Variants in MTA3 observed in about 807,000 individuals in gnomAD.
MTA3 encodes metastasis associated 1 family member 3.
MTA3 carries 34 observed loss-of-function variants against 83.5 expected under a neutral mutation model. The observed-to-expected ratio is 0.41, with a 90% CI of 0.31 to 0.54. The LOEUF (loss-of-function observed/expected upper bound fraction) is 0.54. Among genes scored for constraint, MTA3 ranks in the 20% least tolerant of loss-of-function variants. The pLI, the probability that MTA3 is intolerant of heterozygous loss-of-function variation, is 0.33. For missense variants in MTA3, 761 were observed against 726.4 expected (o/e 1.05, Z -0.55); for synonymous variants, 303 against 252.7 (o/e 1.20, Z -1.89).
upstream of MTA3, among the ~76,000 whole-genome samples, chr2:42,566,816 T>C (rs1372903530): frequency 3.9e-5 from 6 of 152,228 alleles, no homozygotes; most frequent in Non-Finnish European, 8.8e-5. Flanking sequence ...TTATGGTTTC[T>C]AGGTGGCTTT....
chr2:42,615,234 C>T (rs1025766864), intron 4 of MTA3, among the ~76,000 whole-genome samples: 2 of 149,566 alleles, frequency 1.3e-5, no homozygotes, highest in African/African-American at 4.9e-5. Context: ...TTATAAGGTT[C>T]TTGAAGATCT....
chr2:42,549,369 A>G (rs1676974714), intron 2 of MTA3, among the ~76,000 whole-genome samples: 1 of 121,628 alleles, frequency 8.2e-6, no homozygotes, highest in Non-Finnish European at 1.6e-5. Context: ...ATACGTATAT[A>G]CGTATATAAA....
At chr2:42,733,382 G>A (rs1026302028) in intron 16 of MTA3, among the ~76,000 whole-genome samples, 6 of 152,124 alleles carry the variant, frequency 3.9e-5, no homozygotes, top group Admixed American at 6.5e-5. Flanking sequence ...AAGACTGGCC[G>A]CCATGACTCA....
intron 9 of MTA3, among the ~76,000 whole-genome samples, chr2:42,690,421 G>C (rs1009823409): frequency 2.6e-5 from 4 of 151,602 alleles, no homozygotes; most frequent in Non-Finnish European, 5.9e-5. Context: ...CTTTTTCTTT[G>C]TTTTCAAAAT....
intron 16 of MTA3, among the ~76,000 whole-genome samples, chr2:42,745,599 T>C (rs1669347509): frequency 6.6e-6 from 1 of 152,166 alleles, no homozygotes; most frequent in South Asian, 2.1e-4. Context: ...TTGCTCAAGC[T>C]GGTCTCGATT....
chr2:42,499,445 C>A (rs1011884414), intron 2 of MTA3, among the ~76,000 whole-genome samples: 1 of 150,432 alleles, frequency 6.6e-6, no homozygotes, highest in East Asian at 2.0e-4. Flanking sequence ...GGATTACAGG[C>A]GTGAGCCACC....
rs1248963480 is a variant in MTA3 at position 42,609,427 on chromosome 2, C to G, written c.191-31C>G. On this transcript the variant is annotated intron_variant, in intron 3 of 16. Transcript: ENST00000405094. ...ATCCAAACAGATAATGTGCTTTGTA[C>G]TAATAAATTCTTTGAATTTTATTTG... 5.0e-6 allele frequency: 8 copies of G among 1,603,672 alleles called. No homozygotes were observed. In the South Asian group the frequency reaches 6.6e-5, roughly 13 times the overall value.
At chr2:42,701,275 C>T (rs1693836807) in intron 11 of MTA3, among the ~76,000 whole-genome samples, 1 of 117,600 alleles carries the variant, frequency 8.5e-6, no homozygotes, top group Non-Finnish European at 1.6e-5. Context: ...GCACTCCAGC[C>T]TGGGTGACCC....
At chr2:42,718,149 C>T (rs1252631118) in intron 14 of MTA3, among the ~76,000 whole-genome samples, 1 of 148,430 alleles carries the variant, frequency 6.7e-6, no homozygotes, top group Non-Finnish European at 1.5e-5. Flanking sequence ...CTTTTGATAG[C>T]CCATGAAAAC....
Position 42,754,848 on chromosome 2 carries a change from TCC to T in MTA3, c.*1450_*1451del. The T allele has an allele frequency of 1.0e-6, 1 of 985,494 alleles. No individual in the cohort carries two copies. Among genetic ancestry groups the T allele is most frequent in the Non-Finnish European group, 1.2e-6 (1 of 829,980 alleles). The allele number at this position is 985,494 out of a possible 1,614,324, so 61.0% of individuals were successfully genotyped here. A position where few individuals can be genotyped will look rare whatever the true frequency, so the allele number is the denominator to read the frequency against. On this transcript the variant is annotated 3_prime_UTR_variant, in exon 17 of 17. Transcript: ENST00000405094. ...ATGTCTGTGTCCTCGGAGGCTGAGC[TCC>T]GCTTGGCAGAGAGAGCGTGCTGTGT... is the stretch of plus-strand genomic sequence containing the variant.
At chr2:42,522,219 C>T (rs1675462038) in intron 2 of MTA3, among the ~76,000 whole-genome samples, 1 of 152,160 alleles carries the variant, frequency 6.6e-6, no homozygotes. Context: ...TACAACCACC[C>T]TCCGTCCCTG....
At chr2:42,740,789 G>T (rs1401292397) in intron 16 of MTA3, among the ~76,000 whole-genome samples, 1 of 152,212 alleles carries the variant, frequency 6.6e-6, no homozygotes, top group African/African-American at 2.4e-5. Context: ...TATTTATAAA[G>T]CATAGGCAGA....
chr2:42,551,077 A>AAATAAATC (rs1677086015), intron 2 of MTA3, among the ~76,000 whole-genome samples: 1 of 150,382 alleles, frequency 6.6e-6, no homozygotes, highest in Non-Finnish European at 1.5e-5. Flanking sequence ...ATAAATAAAT[A>AAATAAATC]AATAAATAAA....
At chr2:42,555,002 A>T (rs1677307226) in intron 2 of MTA3, among the ~76,000 whole-genome samples, 1 of 152,030 alleles carries the variant, frequency 6.6e-6, no homozygotes, top group African/African-American at 2.4e-5. Context: ...AATACAAAAA[A>T]ATTAGCTGGG....
At chr2:42,697,950 A>T in intron 11 of MTA3, 116 bp downstream of exon 11, 2 of 659,116 alleles carry the variant, frequency 3.0e-6, no homozygotes, top group Non-Finnish European at 5.0e-6. Context: ...TTCTTCTTCT[A>T]CAAAGCATGA....
intron 8 of MTA3, among the ~76,000 whole-genome samples, chr2:42,668,165 G>GA (rs1243963373): frequency 6.6e-6 from 1 of 152,178 alleles, no homozygotes; most frequent in African/African-American, 2.4e-5. Context: ...GAACTCAGTG[G>GA]AACTGCAGTG....
chr2:42,692,662 C>T (rs1040552283), intron 9 of MTA3, among the ~76,000 whole-genome samples: 22 of 152,258 alleles, frequency 1.4e-4, no homozygotes, highest in Admixed American at 7.2e-4. Context: ...CCTGGCCTTA[C>T]GTGATCCTCC....
intron 3 of MTA3, among the ~76,000 whole-genome samples, chr2:42,580,808 CTGG>C (rs1437778622): frequency 1.3e-5 from 2 of 152,274 alleles, no homozygotes; most frequent in East Asian, 3.9e-4. Context: ...GTTGGCCAGG[CTGG>C]TGTTGAACTC....
intron 2 of MTA3, among the ~76,000 whole-genome samples, chr2:42,538,047 A>C (rs1055318939): frequency 6.6e-6 from 1 of 151,910 alleles, no homozygotes; most frequent in African/African-American, 2.4e-5. Flanking sequence ...CCTGGCTAAC[A>C]CGGTGAAACC....
Sources: allele counts gnomAD v4.1 joint callset (sites outside exome capture counted in the v4.1 genomes callset), GRCh38; gene constraint gnomAD v4.1.1; transcripts MANE v1.5; gene names NCBI Gene and HGNC (gene_info 2026-07-23, HGNC 2026-07-21).